NCALD: variants seen among roughly 807,000 people sequenced by gnomAD.
The protein encoded by NCALD is neurocalcin-delta.
A neutral mutation model predicts 18.6 loss-of-function variants in NCALD; 10 were observed. That is an observed-to-expected ratio of 0.54 (90% CI 0.33 to 0.91). NCALD has a LOEUF of 0.91. Among genes scored for constraint, NCALD ranks in the 40% least tolerant of loss-of-function variants. The pLI is 0.03. For missense variants in NCALD, 184 were observed against 247.6 expected (o/e 0.74, Z 1.72); for synonymous variants, 88 against 87.4 (o/e 1.01, Z -0.04).
chr8:101,821,983 T>C (rs1288185679), intron 4 of NCALD, among the ~76,000 whole-genome samples: 3 of 151,514 alleles, frequency 2.0e-5, no homozygotes, highest in African/African-American at 7.3e-5. Flanking sequence ...CTCCTGGCTG[T>C]GGAGATGAAG....
intron 1 of NCALD, among the ~76,000 whole-genome samples, chr8:102,098,648 G>T (rs1278220638): frequency 6.6e-6 from 1 of 152,150 alleles, no homozygotes; most frequent in African/African-American, 2.4e-5. Context: ...AAAGAAACAA[G>T]GATGAATAAA....
intron 4 of NCALD, among the ~76,000 whole-genome samples, chr8:101,828,664 C>T (rs1204544499): frequency 6.6e-6 from 1 of 151,422 alleles, no homozygotes; most frequent in Non-Finnish European, 1.5e-5. Flanking sequence ...TGTGGTGGCA[C>T]AATCATAGCT....
chr8:101,746,048 T>C (rs1377246883), intron 1 of NCALD: 1 of 152,202 alleles, frequency 6.6e-6, no homozygotes, highest in Non-Finnish European at 1.5e-5. Context: ...AGCACTTTCA[T>C]ACCCAGTGTC....
chr8:101,722,474 A>C (rs1816405958), intron 1 of NCALD, among the ~76,000 whole-genome samples: 1 of 152,212 alleles, frequency 6.6e-6, no homozygotes, highest in Non-Finnish European at 1.5e-5. Flanking sequence ...GTTCTTTAGA[A>C]TATATCTCTT....
chr8:101,720,140 T>G (rs1816283390), intron 1 of NCALD, among the ~76,000 whole-genome samples: 1 of 152,122 alleles, frequency 6.6e-6, no homozygotes, highest in South Asian at 2.1e-4. Flanking sequence ...CCAAGTAAAA[T>G]GCTGCTTGGA....
At chr8:101,991,174 A>C (rs933734874) in intron 2 of NCALD, among the ~76,000 whole-genome samples, 1 of 152,182 alleles carries the variant, frequency 6.6e-6, no homozygotes, top group Non-Finnish European at 1.5e-5. Flanking sequence ...TCCTATTTTT[A>C]TATAAAAAAT....
At chr8:101,844,563 G>A (rs923588082) in intron 4 of NCALD, among the ~76,000 whole-genome samples, 6 of 151,824 alleles carry the variant, frequency 4.0e-5, no homozygotes, top group African/African-American at 7.3e-5. Flanking sequence ...GTCTCGCTGC[G>A]TTGCCACAGC....
At chr8:101,956,257 C>T (rs1819619136) in intron 2 of NCALD, among the ~76,000 whole-genome samples, 1 of 152,150 alleles carries the variant, frequency 6.6e-6, no homozygotes, top group African/African-American at 2.4e-5. Flanking sequence ...GCAGCCAAAA[C>T]ACAAGAAAAT....
intron 1 of NCALD, among the ~76,000 whole-genome samples, chr8:101,735,399 T>C (rs540088156): frequency 6.6e-6 from 1 of 152,226 alleles, no homozygotes; most frequent in African/African-American, 2.4e-5. Context: ...CAAAGATGGG[T>C]GTGTCCTGAG....
chr8:101,784,198 C>T (rs1313469874), intron 1 of NCALD, among the ~76,000 whole-genome samples: 1 of 152,146 alleles, frequency 6.6e-6, no homozygotes, highest in African/African-American at 2.4e-5. Flanking sequence ...TGCTCACTCA[C>T]ATGCCTGCCA....
intron 4 of NCALD, among the ~76,000 whole-genome samples, chr8:101,854,470 T>C (rs910797425): frequency 6.6e-6 from 1 of 152,134 alleles, no homozygotes; most frequent in African/African-American, 2.4e-5. Context: ...CCTGCACTTT[T>C]TCTCTCCTAC....
chr8:101,686,731 T>A lies in NCALD; in HGVS notation c.*2578A>T, dbSNP rs1814489103. 6.6e-6 allele frequency: 1 copy of A among 152,662 alleles called. No homozygotes were observed. The highest frequency in any genetic ancestry group is 6.5e-5 in the Admixed American group (1 of 15,278). 9.5% of individuals were successfully genotyped at this position (152,662 alleles called of 1,614,324 possible). ...GATGTATGAACAGTTGAGCACTCTG[T>A]AGAATCCTTCAGGTCGTAAGCCACT... is the stretch of plus-strand genomic sequence containing the variant. On this transcript the variant is annotated 3_prime_UTR_variant, in exon 4 of 4. Transcript: ENST00000220931.
At chr8:101,929,362 G>A (rs528963847) in intron 2 of NCALD, among the ~76,000 whole-genome samples, 29 of 52,386 alleles carry the variant, frequency 5.5e-4, no homozygotes, top group African/African-American at 2.2e-3. Context: ...GAAAGGGAAT[G>A]GAAGGGAGGA....
intron 3 of NCALD, among the ~76,000 whole-genome samples, chr8:101,888,124 T>C (rs1252837221): frequency 6.6e-6 from 1 of 152,176 alleles, no homozygotes; most frequent in African/African-American, 2.4e-5. Context: ...TGGCTTAAAC[T>C]AGTCAAGGCT....
At chr8:101,712,529 A>G (rs1428211148) in intron 2 of NCALD, among the ~76,000 whole-genome samples, 3 of 151,094 alleles carry the variant, frequency 2.0e-5, no homozygotes, top group Admixed American at 6.6e-5. Context: ...TCACATGCAA[A>G]GACACACATA....
At chr8:101,741,864 G>A (rs1810202381) in intron 1 of NCALD, among the ~76,000 whole-genome samples, 1 of 145,792 alleles carries the variant, frequency 6.9e-6, no homozygotes, top group African/African-American at 2.5e-5. Context: ...TTTAGCCCAG[G>A]AGGTCAAGGC....
At chr8:101,821,302 A>T (rs989955087) in intron 4 of NCALD, among the ~76,000 whole-genome samples, 4 of 152,224 alleles carry the variant, frequency 2.6e-5, no homozygotes, top group African/African-American at 7.2e-5. Context: ...GTAAACAGGT[A>T]GTTATTAAGC....
exon 2 of NCALD, chr8:102,020,245 A>G (rs1476005770): frequency 1.3e-5 from 2 of 152,072 alleles, no homozygotes; most frequent in African/African-American, 4.8e-5. Flanking sequence ...ACCTAGTGGT[A>G]GATCTCTCAC....
intron 1 of NCALD, among the ~76,000 whole-genome samples, chr8:102,046,299 T>A (rs182431660): frequency 5.8e-4 from 89 of 152,328 alleles, no homozygotes; most frequent in East Asian, 5.6e-3. Flanking sequence ...ATTCCATATA[T>A]GTTTAAGCTT....
Sources: allele counts gnomAD v4.1 joint callset (sites outside exome capture counted in the v4.1 genomes callset), GRCh38; gene constraint gnomAD v4.1.1; transcripts MANE v1.5; gene names NCBI Gene and HGNC (gene_info 2026-07-23, HGNC 2026-07-21).